The following ARHGEF3 variants were observed in gnomAD, a reference collection of about 807,000 sequenced individuals.
ARHGEF3 encodes 59.8 kDA protein.
ARHGEF3 carries 28 observed loss-of-function variants against 63.2 expected under a neutral mutation model. The observed-to-expected ratio is 0.44, with a 90% CI of 0.33 to 0.61. The LOEUF (loss-of-function observed/expected upper bound fraction) is 0.61. Ranked by LOEUF, ARHGEF3 falls within the 20% of genes least tolerant of loss-of-function variation. The pLI is 0.03. For missense variants in ARHGEF3, 533 were observed against 659.3 expected, an observed-to-expected ratio of 0.81 and a Z score of 2.10; for synonymous variants, 266 against 254.2, an observed-to-expected ratio of 1.05 and a Z score of -0.44.
intron 2 of ARHGEF3, among the ~76,000 whole-genome samples, chr3:56,995,620 CGAGAGAGAGAGAGAGAGAGAGA>C (rs66778716): frequency 0.043 from 4,923 of 113,242 alleles, 124 homozygotes; most frequent in African/African-American, 0.073. Context: ...GTAAATTTTC[CGAGAGAGAGAGAGAGAGAGAGA>C]GAGAGAGAGA....
intron 3 of ARHGEF3, among the ~76,000 whole-genome samples, chr3:56,913,140 T>C (rs1244594057): frequency 7.5e-6 from 1 of 133,872 alleles, no homozygotes; most frequent in Non-Finnish European, 1.6e-5. Context: ...GAGCAAGACC[T>C]TGTCTCCTAA....
chr3:56,915,125 A>G (rs892112778), intron 3 of ARHGEF3, among the ~76,000 whole-genome samples: 6 of 152,328 alleles, frequency 3.9e-5, no homozygotes, highest in African/African-American at 1.4e-4. Flanking sequence ...TCTGATGAGA[A>G]GAATAGAAAA....
chr3:56,788,837 C>T (rs1025409770), intron 1 of ARHGEF3, among the ~76,000 whole-genome samples: 6 of 152,094 alleles, frequency 3.9e-5, no homozygotes, highest in Non-Finnish European at 8.8e-5. Context: ...GTTATTCTAC[C>T]TGGCAGAAAT....
chr3:56,757,997 G>T (rs959448067), intron 2 of ARHGEF3, among the ~76,000 whole-genome samples: 13 of 151,442 alleles, frequency 8.6e-5, no homozygotes, highest in Non-Finnish European at 1.5e-5. Context: ...GTCTAAAATG[G>T]CCGGGCGTGG....
intron 3 of ARHGEF3, among the ~76,000 whole-genome samples, chr3:56,920,184 A>C (rs9311630): frequency 0.72 from 109,041 of 152,046 alleles, 39,988 homozygotes; most frequent in African/African-American, 0.78. Flanking sequence ...TTTTTCTTTC[A>C]GTATATAGAG....
At chr3:56,781,849 G>A (rs950854695) in intron 1 of ARHGEF3, among the ~76,000 whole-genome samples, 1 of 152,190 alleles carries the variant, frequency 6.6e-6, no homozygotes, top group African/African-American at 2.4e-5. Context: ...TCTCCCAGCT[G>A]AATAGGGAGA....
rs2036129475 is a variant in ARHGEF3 at position 56,773,714 on chromosome 3, G to A, written c.199C>T (p.Leu67=). 6.3e-7 allele frequency: 1 copy of A among 1,582,410 alleles called. No homozygotes were observed. Among genetic ancestry groups the A allele is most frequent in the Non-Finnish European group, 8.5e-7 (1 of 1,169,594 alleles). ...GCCCTGTGTGCCCTTCTTACCTGCA[G>A]GGTTTGACTGAAGCGCTTTAATGGC... is the stretch of plus-strand genomic sequence containing the variant. ...ATPLKRFSQT[L]QRSISFRSES... The change falls in exon 2 of 10, where the codon CTG becomes TTG. Residue 67 remains leucine (L), a synonymous_variant. Transcript: ENST00000296315.
chr3:56,925,952 G>T (rs1560056212), intron 3 of ARHGEF3, among the ~76,000 whole-genome samples: 1 of 152,220 alleles, frequency 6.6e-6, no homozygotes, highest in Non-Finnish European at 1.5e-5. Flanking sequence ...GATGAGACCA[G>T]CTTCCTTTGT....
At chr3:56,962,018 C>G (rs1337476780) in intron 2 of ARHGEF3, among the ~76,000 whole-genome samples, 1 of 152,186 alleles carries the variant, frequency 6.6e-6, no homozygotes, top group African/African-American at 2.4e-5. Context: ...GCCCCCCAGC[C>G]TGGGTGACAG....
intron 1 of ARHGEF3, among the ~76,000 whole-genome samples, chr3:56,800,438 C>T (rs193241333): frequency 1.3e-5 from 2 of 152,302 alleles, no homozygotes; most frequent in Admixed American, 1.3e-4. Flanking sequence ...TGATAATATT[C>T]GACTGAGCTG....
chr3:56,844,903 T>C (rs182281964), intron 4 of ARHGEF3, among the ~76,000 whole-genome samples: 30 of 152,312 alleles, frequency 2.0e-4, no homozygotes, highest in Non-Finnish European at 3.5e-4. Context: ...ATATAGAACA[T>C]GGCAAGATGA....
intron 2 of ARHGEF3, among the ~76,000 whole-genome samples, chr3:57,025,079 A>G (rs1035920345): frequency 2.6e-5 from 4 of 152,212 alleles, no homozygotes; most frequent in African/African-American, 9.6e-5. Context: ...ACAAACACAG[A>G]ACGTGGATCT....
At chr3:56,739,018 C>G (rs1383442456) in intron 7 of ARHGEF3, among the ~76,000 whole-genome samples, 1 of 152,068 alleles carries the variant, frequency 6.6e-6, no homozygotes, top group African/African-American at 2.4e-5. Context: ...TCGCTTGAAC[C>G]TGGGAGGCAG....
chr3:56,873,586 AT>A (rs2040499562), intron 4 of ARHGEF3, among the ~76,000 whole-genome samples: 1 of 152,006 alleles, frequency 6.6e-6, no homozygotes, highest in African/African-American at 2.4e-5. Flanking sequence ...TACATAAATT[AT>A]TTTGTAGAGA....
chr3:57,074,157 C>T, intron 1 of ARHGEF3: 1 of 1,614,150 alleles, frequency 6.2e-7, no homozygotes, highest in Non-Finnish European at 8.5e-7. Flanking sequence ...AGATGCCGAG[C>T]CCAGTAGCAC....
intron 2 of ARHGEF3, among the ~76,000 whole-genome samples, chr3:56,755,790 C>G (rs911332187): frequency 1.5e-4 from 23 of 152,032 alleles, no homozygotes; most frequent in African/African-American, 5.3e-4. Flanking sequence ...AGCAACTCTC[C>G]CTAGTTACAC....
At chr3:56,808,164 G>A (rs1170223458) in intron 4 of ARHGEF3, among the ~76,000 whole-genome samples, 1 of 151,432 alleles carries the variant, frequency 6.6e-6, no homozygotes, top group Admixed American at 6.6e-5. Context: ...GTCTAAAGCT[G>A]GAAGGCTTAA....
At chr3:56,798,019 C>T (rs2037457141) in intron 1 of ARHGEF3, among the ~76,000 whole-genome samples, 1 of 152,144 alleles carries the variant, frequency 6.6e-6, no homozygotes, top group South Asian at 2.1e-4. Flanking sequence ...TGTCCTTATT[C>T]ATAAAGTGGA....
At position 56,753,453 on chromosome 3, in the gene ARHGEF3, T is replaced by G. The variant is rs574902235; in HGVS notation, c.438+51A>C. 1.2e-5 allele frequency: 18 copies of G among 1,548,658 alleles called. No individual in the cohort carries two copies. The East Asian group carries it at 3.4e-4, about 29-fold the overall frequency. On this transcript the variant is annotated intron_variant, in intron 4 of 9. Transcript: ENST00000296315. ...CACCACTTTAGGGTTGTGAAATTAC[T>G]CAAGAAAAAAAATGTGACTTGACTC...
Sources: gnomAD v4.1 joint callset for allele counts (sites outside exome capture counted in the v4.1 genomes callset) on GRCh38, gnomAD v4.1.1 for gene constraint, MANE v1.5 for transcripts, NCBI Gene and HGNC (gene_info 2026-07-23, HGNC 2026-07-21) for gene names.